Variants in SGO1 observed in about 807,000 individuals in gnomAD.
SGO1 encodes shugoshin 1.
In SGO1, 39 loss-of-function variants were observed where a neutral mutation model predicts 50.5. The ratio of observed to expected loss-of-function variants is 0.77; its 90% CI spans 0.60 to 1.01. The LOEUF is 1.01. Ranked by LOEUF, SGO1 falls within the 50% of genes least tolerant of loss-of-function variation. SGO1 has a pLI of 0.00. For synonymous variants in SGO1, 191 were observed against 205.1 expected (o/e 0.93, Z 0.59); for missense variants, 638 against 606.0 (o/e 1.05, Z -0.55).
intron 5 of SGO1, among the ~76,000 whole-genome samples, chr3:20,175,824 T>A (rs1385082950): frequency 4.6e-5 from 7 of 152,020 alleles, no homozygotes; most frequent in Non-Finnish European, 8.8e-5. Flanking sequence ...AACAGGCTTT[T>A]ATGTGCTCTT....
Position 20,170,470 on chromosome 3 carries a change from A to G in SGO1, c.*234T>C. The G allele has an allele frequency of 9.2e-7, 1 of 1,088,334 alleles. No individual in the cohort carries two copies. The highest frequency in any genetic ancestry group is 1.1e-6 in the Non-Finnish European group (1 of 898,270). The allele number at this position is 1,088,334 out of a possible 1,614,324, so 67.4% of individuals were successfully genotyped here. ...CAGCATAAGAAATCGATATGATGAT[A>G]ATGCTTAAGCTCAGTTATTTATATT... On this transcript the variant is annotated 3_prime_UTR_variant, in exon 8 of 8. Transcript: ENST00000412997.
Position 20,170,925 on chromosome 3 carries a change from G to GT in SGO1, c.1473-111dup, listed in dbSNP as rs1292368766. The GT allele has an allele frequency of 1.9e-5, 28 of 1,476,974 alleles. 1 individual carries two copies. The Middle Eastern group carries it at 5.4e-4, about 28-fold the overall frequency. The allele number at this position is 1,476,974 out of a possible 1,614,324, so 91.5% of individuals were successfully genotyped here. On this transcript the variant is annotated intron_variant, in intron 7 of 7. Coordinates refer to ENST00000412997, the MANE Select transcript of SGO1 (RefSeq NM_001199251.3). ...ACCAATTTTAAATGTTCTCACTTCAGTTTTTTTAAATCAAATGTTTATATT... is the reference window on the plus strand; with the variant it reads ...ACCAATTTTAAATGTTCTCACTTCAGTTTTTTTTAAATCAAATGTTTATATT...
rs922041744 is a variant in SGO1, at chr3:20,185,936, C to T, written c.-8+12G>A. ...GAAGTCAAACAGGGATCACTACGCCCTTGTTTCGCACCTTAAAACCTACTT... is the reference window on the plus strand; with the variant it reads ...GAAGTCAAACAGGGATCACTACGCCTTTGTTTCGCACCTTAAAACCTACTT... On this transcript the variant is annotated intron_variant, in intron 1 of 7. Coordinates refer to ENST00000412997, the MANE Select transcript of SGO1 (RefSeq NM_001199251.3). 3.9e-5 allele frequency: 6 copies of T among 152,208 alleles called. No homozygotes were observed. The highest frequency in any genetic ancestry group is 1.4e-4 in the African/African-American group (6 of 41,442). The allele number at this position is 152,208 out of a possible 1,614,324, so 9.4% of individuals were successfully genotyped here.
chr3:20,173,551 C>G (rs1429622028), intron 6 of SGO1, among the ~76,000 whole-genome samples: 1 of 152,180 alleles, frequency 6.6e-6, no homozygotes. Flanking sequence ...AAATAAGCAT[C>G]ATAACACCTA....
At chr3:20,182,566 G>A (rs942848730) in intron 3 of SGO1, among the ~76,000 whole-genome samples, 17 of 151,844 alleles carry the variant, frequency 1.1e-4, no homozygotes, top group Admixed American at 2.0e-4. Flanking sequence ...TACTTTTTTC[G>A]TAAGTAATGA....
At chr3:20,163,214 A>G (rs959168300) in intron 8 of SGO1, among the ~76,000 whole-genome samples, 2 of 152,162 alleles carry the variant, frequency 1.3e-5, no homozygotes, top group African/African-American at 4.8e-5. Context: ...ACTGATCAAG[A>G]AGAAAGCACA....
At chr3:20,169,418 T>C, downstream of SGO1, 4 of 984,586 alleles carry the variant, frequency 4.1e-6, no homozygotes, top group Non-Finnish European at 4.8e-6. Context: ...TGTCCAAGGA[T>C]GAGAATAGTG....
In SGO1 at chr3:20,174,695, T is replaced by A; in HGVS notation, c.836A>T (p.Gln279Leu). 6.2e-7 allele frequency: 1 copy of A among 1,613,350 alleles called. No individual in the cohort carries two copies. Among genetic ancestry groups the A allele is most frequent in the East Asian group, 2.2e-5 (1 of 44,874 alleles). Residue 279 changes from glutamine to leucine, a missense_variant, in exon 6 of 8, where the codon CAA (glutamine) becomes CTA (leucine). Coordinates refer to ENST00000412997, the MANE Select transcript of SGO1 (RefSeq NM_001199251.3). ...KEDILESKSE[Q>L]TKSKQRDTQE... is the part of the protein sequence containing the mutation. ...TGTATCTCTTTGCTTACTTTTAGTT[T>A]GTTCAGATTTAGATTCTAAAATGTC...
intron 6 of SGO1, 36 bp from the exon 7 acceptor site, chr3:20,171,268 A>T: frequency 2.7e-6 from 4 of 1,503,240 alleles, no homozygotes; most frequent in Non-Finnish European, 3.5e-6. Context: ...GATTTAAAAA[A>T]AAAAACCCAC....
At chr3:20,165,328 C>G (rs1261591165), downstream of SGO1, among the ~76,000 whole-genome samples, 2 of 152,170 alleles carry the variant, frequency 1.3e-5, no homozygotes, top group Non-Finnish European at 2.9e-5. Flanking sequence ...GGGACCTGTT[C>G]CCATGACCCA....
chr3:20,183,828 T>C lies in SGO1; in HGVS notation c.143-24A>G, dbSNP rs753017689. 2.5e-6 allele frequency: 4 copies of C among 1,600,940 alleles called. No homozygotes were observed. The East Asian group carries it at 6.7e-5, about 27-fold the overall frequency. ...GGCTAAAAGAGGATAAAAAAATTTA[T>C]CAGTTATTAAATCTAAACTTAAAAG... On this transcript the variant is annotated intron_variant, in intron 2 of 7. Transcript: ENST00000412997.
chr3:20,165,537 G>C (rs1700251421), downstream of SGO1, among the ~76,000 whole-genome samples: 1 of 152,098 alleles, frequency 6.6e-6, no homozygotes, highest in Non-Finnish European at 1.5e-5. Context: ...GAACATGTAA[G>C]ACTTATAATT....
intron 3 of SGO1, among the ~76,000 whole-genome samples, chr3:20,182,837 T>C (rs942806857): frequency 6.6e-6 from 1 of 151,932 alleles, no homozygotes; most frequent in African/African-American, 2.4e-5. Flanking sequence ...GCTAACACGG[T>C]GAAACCCCGT....
intron 6 of SGO1, 45 bp downstream of exon 6, chr3:20,174,204 T>C: frequency 6.9e-7 from 1 of 1,449,410 alleles, no homozygotes; most frequent in Non-Finnish European, 9.6e-7. Context: ...GAGTGATCAT[T>C]TATCACGAAC....
At chr3:20,179,589 T>C (rs747591525) in intron 3 of SGO1, among the ~76,000 whole-genome samples, 8 of 151,996 alleles carry the variant, frequency 5.3e-5, no homozygotes, top group Non-Finnish European at 8.8e-5. Context: ...CACAACTGGC[T>C]AATTTTTATT....
intron 5 of SGO1, 24 bp downstream of exon 5, chr3:20,176,577 T>C (rs767458809): frequency 5.5e-6 from 8 of 1,458,220 alleles, no homozygotes; most frequent in Non-Finnish European, 7.5e-6. Flanking sequence ...CTTAATAATA[T>C]TTTTAGATTT....
chr3:20,181,135 T>C (rs59581357), intron 3 of SGO1, among the ~76,000 whole-genome samples: 40,079 of 152,004 alleles, frequency 0.26, 5,256 homozygotes, highest in African/African-American at 0.27. Flanking sequence ...CCAGGCTGGG[T>C]AAGAGCGAGA....
chr3:20,162,234 G>C (rs115735762), intron 8 of SGO1, among the ~76,000 whole-genome samples: 1 of 152,306 alleles, frequency 6.6e-6, no homozygotes, highest in Admixed American at 6.5e-5. Context: ...ACTACAGAGT[G>C]AAGAACAATT....
At chr3:20,172,553 T>C (rs1159257227) in intron 6 of SGO1, among the ~76,000 whole-genome samples, 2 of 150,986 alleles carry the variant, frequency 1.3e-5, no homozygotes, top group East Asian at 1.9e-4. Context: ...GTATGGGGTA[T>C]GGCCTGAGAT....
Sources: allele counts gnomAD v4.1 joint callset (sites outside exome capture counted in the v4.1 genomes callset), GRCh38; gene constraint gnomAD v4.1.1; transcripts MANE v1.5; gene names NCBI Gene and HGNC (gene_info 2026-07-23, HGNC 2026-07-21).